Variants in FSD1 observed in about 807,000 individuals in gnomAD.
The protein encoded by FSD1 is fibronectin type III and SPRY domain-containing protein 1.
A neutral mutation model predicts 58.2 loss-of-function variants in FSD1; 23 were observed. That is an observed-to-expected ratio of 0.40 (90% CI 0.28 to 0.56). FSD1 has a LOEUF of 0.56. Ranked by LOEUF, FSD1 falls within the 20% of genes least tolerant of loss-of-function variation. The probability of loss-of-function intolerance (pLI) is 0.54; values close to 1 mark genes in which losing one functional copy is unlikely to be tolerated. For synonymous variants in FSD1, 265 were observed against 263.4 expected (o/e 1.01, Z -0.06); for missense variants, 563 against 670.8 (o/e 0.84, Z 1.78).
chr19:4,311,929 G>A lies in FSD1; in HGVS notation c.578G>A (p.Ser193Asn). The change falls in exon 7 of 13, where the codon AGC becomes AAC. Residue 193 changes from serine to asparagine, a missense_variant. Ser to Asn is a conservative substitution (Grantham distance 46). Transcript: ENST00000221856. ...TLVWRMPDEDSKIDHYVLEYR... is the reference protein window; with the variant it reads ...TLVWRMPDEDNKIDHYVLEYR... ...GTGTGGCGCATGCCGGATGAGGACA[G>A]CAAGATTGACCACTACGTGCTGGAG... is the stretch of plus-strand genomic sequence containing the variant. 6.2e-7 allele frequency: 1 copy of A among 1,614,102 alleles called. No homozygotes were observed. Among genetic ancestry groups the A allele is most frequent in the Non-Finnish European group, 8.5e-7 (1 of 1,180,030 alleles).
At position 4,312,003 on chromosome 19, in the gene FSD1, C is replaced by G; in HGVS notation, c.652C>G (p.Pro218Ala). Residue 218 changes from proline to alanine, a missense_variant, in exon 7 of 13, where the codon CCC (proline) becomes GCC (alanine). Physicochemically the swap from Pro to Ala is conservative, Grantham distance 27. Transcript: ENST00000221856. ...EGPPRLKEDQPWMVIEGIRQT... is the reference protein window; with the variant it reads ...EGPPRLKEDQAWMVIEGIRQT... ...CCCGCCCCGCCTCAAGGAGGACCAG[C>G]CCTGGATGGTCATCGAGGGCATCCG... 1 of 1,613,196 alleles carries G rather than the reference C, an allele frequency of 6.2e-7. No individual in the cohort carries two copies. The highest frequency in any genetic ancestry group is 8.5e-7 in the Non-Finnish European group (1 of 1,180,026).
chr19:4,316,201 C>T (rs1023045220), intron 7 of FSD1, among the ~76,000 whole-genome samples: 2 of 152,086 alleles, frequency 1.3e-5, no homozygotes, highest in African/African-American at 4.8e-5. Context: ...ACTGGGACTA[C>T]AGGTGTGCAC....
chr19:4,311,856 G>A lies in FSD1; in HGVS notation c.505G>A (p.Val169Met), dbSNP rs771934110. Residue 169 changes from valine to methionine, a missense_variant, in exon 7 of 13, where the codon GTG (valine) becomes ATG (methionine). Transcript: ENST00000221856. ...LKFLPVPSAP[V>M]IDLAESLVAD... ...GTCTTGGTCAGTGCCCAGCGCACCC[G>A]TGATCGACCTGGCTGAGTCCCTGGT... is the stretch of plus-strand genomic sequence containing the variant. 2.5e-6 allele frequency: 4 copies of A among 1,614,146 alleles called. No individual in the cohort carries two copies. In the South Asian group the frequency reaches 3.3e-5, roughly 13 times the overall value.
chr19:4,314,870 G>A (rs1255191476), intron 7 of FSD1, among the ~76,000 whole-genome samples: 1 of 152,160 alleles, frequency 6.6e-6, no homozygotes, highest in African/African-American at 2.4e-5. Flanking sequence ...CCAACACCAC[G>A]GTCAAAGTAT....
At chr19:4,314,619 T>G (rs1237441064) in intron 7 of FSD1, among the ~76,000 whole-genome samples, 1 of 151,974 alleles carries the variant, frequency 6.6e-6, no homozygotes, top group East Asian at 1.9e-4. Flanking sequence ...CCCTAGTAAC[T>G]GGGATTACAG....
intron 7 of FSD1, among the ~76,000 whole-genome samples, chr19:4,314,860 C>A (rs561662292): frequency 6.6e-6 from 1 of 152,234 alleles, no homozygotes; most frequent in Non-Finnish European, 1.5e-5. Flanking sequence ...CATGTCACCA[C>A]CAACACCACG....
chr19:4,318,634 GA>G, intron 9 of FSD1, 129 bp downstream of exon 9: 1 of 878,770 alleles, frequency 1.1e-6, no homozygotes, highest in Non-Finnish European at 1.7e-6. Context: ...GAGAGGGAAT[GA>G]AGGGAGAGGA....
chr19:4,306,445 AC>A, intron 3 of FSD1, 116 bp downstream of exon 3: 1 of 952,708 alleles, frequency 1.0e-6, no homozygotes, highest in Non-Finnish European at 1.6e-6. Flanking sequence ...CTCTCCCCTG[AC>A]CCCTCCATCC....
At chr19:4,304,840 C>G (rs1163029234) in intron 1 of FSD1, 79 bp downstream of exon 1, 2 of 486,772 alleles carry the variant, frequency 4.1e-6, no homozygotes, top group Non-Finnish European at 6.1e-6. Context: ...GCAGCGCCCC[C>G]ACTCCCTCCC....
chr19:4,320,022 T>G (rs1264179722), intron 10 of FSD1, among the ~76,000 whole-genome samples: 1 of 151,892 alleles, frequency 6.6e-6, no homozygotes, highest in African/African-American at 2.4e-5. Context: ...ATCTGGATTG[T>G]GTACAGAGCT....
At position 4,310,272 on chromosome 19, in the gene FSD1, G is replaced by A; in HGVS notation, c.346-1G>A. The A allele has an allele frequency of 6.2e-7, 1 of 1,614,188 alleles. No homozygotes were observed. Among genetic ancestry groups the A allele is most frequent in the Non-Finnish European group, 8.5e-7 (1 of 1,180,018 alleles). On this transcript the variant is annotated splice_acceptor_variant, in intron 4 of 12. Coordinates refer to ENST00000221856, the MANE Select transcript of FSD1 (RefSeq NM_024333.3). LOFTEE classifies it high-confidence loss of function. ...GAATGTTGTTCTGTTCCTCTCTCTAGGCTGCCAAGCAAATCAAAGATGGGT... is the reference window on the plus strand; with the variant it reads ...GAATGTTGTTCTGTTCCTCTCTCTAAGCTGCCAAGCAAATCAAAGATGGGT...
At chr19:4,318,600 G>T in intron 9 of FSD1, 95 bp downstream of exon 9, 2 of 1,173,568 alleles carry the variant, frequency 1.7e-6, no homozygotes, top group Non-Finnish European at 1.2e-6. Flanking sequence ...GGGTGGAGAG[G>T]GGACCTGGGG....
At chr19:4,309,017 G>A (rs371063296) in intron 4 of FSD1, among the ~76,000 whole-genome samples, 2 of 152,216 alleles carry the variant, frequency 1.3e-5, no homozygotes, top group South Asian at 4.1e-4. Flanking sequence ...AGAGCTTGCA[G>A]TGAGCAGAGA....
At chr19:4,322,544 C>T (rs375350282) in intron 10 of FSD1, among the ~76,000 whole-genome samples, 6 of 149,642 alleles carry the variant, frequency 4.0e-5, no homozygotes, top group South Asian at 4.3e-4. Flanking sequence ...TAGCTGGGTC[C>T]GAAGGAGTAT....
At chr19:4,319,194 A>C (rs1226742412) in intron 10 of FSD1, among the ~76,000 whole-genome samples, 1 of 152,216 alleles carries the variant, frequency 6.6e-6, no homozygotes, top group Admixed American at 6.5e-5. Context: ...CCTGGGCAGG[A>C]GCTTGGGGGC....
rs752622283 is a variant in FSD1, at chr19:4,317,255, T to C, written c.774T>C (p.Ser258=). 1.2e-6 allele frequency: 2 copies of C among 1,610,932 alleles called. No individual in the cohort carries two copies. The highest frequency in any genetic ancestry group is 1.7e-6 in the Non-Finnish European group (2 of 1,177,180). Residue 258 remains serine, a synonymous_variant, in exon 8 of 13, where the codon TCT becomes TCC. Transcript: ENST00000221856. ...ACAAGGCAGTTGCAGGAGAGTTCTCTGAGCCGGTGACTCTGGAGACACCAG... is the reference window on the plus strand; with the variant it reads ...ACAAGGCAGTTGCAGGAGAGTTCTCCGAGCCGGTGACTCTGGAGACACCAG... The part of the protein sequence containing the change: ...ACNKAVAGEF[S]EPVTLETPAF...
intron 10 of FSD1, among the ~76,000 whole-genome samples, chr19:4,320,696 G>A (rs983382112): frequency 5.9e-5 from 9 of 151,836 alleles, no homozygotes; most frequent in African/African-American, 2.2e-4. Flanking sequence ...GACTTGAGGA[G>A]CATCTGGAGG....
At chr19:4,309,497 T>C (rs1971664056) in intron 4 of FSD1, among the ~76,000 whole-genome samples, 1 of 152,156 alleles carries the variant, frequency 6.6e-6, no homozygotes, top group Non-Finnish European at 1.5e-5. Context: ...GATGGGAGCC[T>C]GTCTTGGCCA....
intron 3 of FSD1, among the ~76,000 whole-genome samples, chr19:4,307,592 CT>C (rs923280674): frequency 5.0e-4 from 76 of 152,206 alleles, no homozygotes; most frequent in African/African-American, 1.8e-3. Flanking sequence ...TAGTCTTGAA[CT>C]CCTGACCTCA....
Sources: allele counts gnomAD v4.1 joint callset (sites outside exome capture counted in the v4.1 genomes callset), GRCh38; gene constraint gnomAD v4.1.1; transcripts MANE v1.5; gene names NCBI Gene and HGNC (gene_info 2026-07-23, HGNC 2026-07-21).